Variants in RNF24 observed in about 807,000 individuals in gnomAD.
The protein encoded by RNF24 is ring finger protein 24.
A neutral mutation model predicts 20.0 loss-of-function variants in RNF24; 14 were observed. The observed-to-expected ratio is 0.70, with a 90% CI of 0.46 to 1.10. The LOEUF (loss-of-function observed/expected upper bound fraction) is 1.10, where lower values mean the gene tolerates loss of function less well. RNF24 is among the 50% of genes least tolerant of loss of function. RNF24 has a pLI of 0.00. For synonymous variants in RNF24, 45 were observed against 61.1 expected (o/e 0.74, Z 1.23); for missense variants, 124 against 177.6 (o/e 0.70, Z 1.71).
rs1301597902 is a variant in RNF24, at chr20:3,977,579, C to T, written c.-7-13555G>A. 2.0e-5 allele frequency among the ~76,000 whole-genome samples: 3 copies of T among 151,932 alleles called. No individual in the cohort carries two copies. In the South Asian group the frequency reaches 6.2e-4, roughly 32 times the overall value. ...ATGGTTTAAATCCTATTTAAAAAGG[C>T]TCTAGGCCAGGCATGGTGGCTCACG... is the stretch of plus-strand genomic sequence containing the variant. On this transcript the variant is annotated intron_variant, in intron 1 of 5. Transcript: ENST00000358395.
chr20:3,942,040 C>G (rs558932750), intron 4 of RNF24, among the ~76,000 whole-genome samples: 1 of 148,598 alleles, frequency 6.7e-6, no homozygotes, highest in Non-Finnish European at 1.5e-5. Context: ...TACCACTGCA[C>G]TCCAGCCTGG....
intron 4 of RNF24, among the ~76,000 whole-genome samples, chr20:3,938,795 C>G (rs183032708): frequency 6.6e-6 from 1 of 152,084 alleles, no homozygotes; most frequent in Non-Finnish European, 1.5e-5. Context: ...CTGGAGTGCA[C>G]TGGTGCCATC....
At chr20:3,982,870 A>G (rs1049793482) in intron 1 of RNF24, among the ~76,000 whole-genome samples, 2 of 152,128 alleles carry the variant, frequency 1.3e-5, no homozygotes, top group Non-Finnish European at 2.9e-5. Flanking sequence ...TCCACCCTAC[A>G]TGACAGAGTG....
chr20:3,979,640 A>G (rs1469526970), intron 1 of RNF24, among the ~76,000 whole-genome samples: 2 of 152,190 alleles, frequency 1.3e-5, no homozygotes, highest in Non-Finnish European at 2.9e-5. Context: ...ACGCCATTGC[A>G]CTCCAACCTA....
chr20:3,945,344 G>A, intron 3 of RNF24, 126 bp from the exon 4 acceptor site: 1 of 949,210 alleles, frequency 1.1e-6, no homozygotes, highest in South Asian at 1.9e-5. Flanking sequence ...ATATTGAAGG[G>A]AATTTCTTTT....
At chr20:3,952,503 T>C (rs2091092310) in intron 2 of RNF24, among the ~76,000 whole-genome samples, 1 of 152,032 alleles carries the variant, frequency 6.6e-6, no homozygotes, top group Non-Finnish European at 1.5e-5. Flanking sequence ...TGTCTGCATA[T>C]AATCACAATT....
chr20:3,974,693 T>TA (rs1306045712), intron 1 of RNF24, among the ~76,000 whole-genome samples: 2 of 152,146 alleles, frequency 1.3e-5, no homozygotes, highest in Non-Finnish European at 2.9e-5. Flanking sequence ...TTAAATTTAA[T>TA]AAGACATTAG....
At chr20:3,964,744 G>GT (rs1399202854) in intron 1 of RNF24, among the ~76,000 whole-genome samples, 1 of 151,972 alleles carries the variant, frequency 6.6e-6, no homozygotes, top group East Asian at 1.9e-4. Flanking sequence ...TCTTGAACTC[G>GT]TGGGCTCAAG....
At chr20:3,947,138 G>A (rs572678448) in intron 3 of RNF24, among the ~76,000 whole-genome samples, 2 of 152,290 alleles carry the variant, frequency 1.3e-5, no homozygotes, top group South Asian at 4.2e-4. Flanking sequence ...AGGTTGCATT[G>A]AGCTGAGATC....
chr20:3,947,554 G>A (rs1300011132), intron 3 of RNF24, among the ~76,000 whole-genome samples: 8 of 152,134 alleles, frequency 5.3e-5, no homozygotes, highest in Non-Finnish European at 4.4e-5. Flanking sequence ...ACAGCTGGTC[G>A]CTCACCTCCG....
chr20:4,014,291 C>T (rs1982698301), intron 1 of RNF24, among the ~76,000 whole-genome samples: 1 of 152,190 alleles, frequency 6.6e-6, no homozygotes, highest in Admixed American at 6.5e-5. Flanking sequence ...TAGAGAGAAC[C>T]TGCTGGACTA....
chr20:3,961,927 CTA>C (rs2091206406), intron 2 of RNF24, among the ~76,000 whole-genome samples: 1 of 151,962 alleles, frequency 6.6e-6, no homozygotes, highest in African/African-American at 2.4e-5. Context: ...GTTTATCAAA[CTA>C]TTATTAATTT....
intron 4 of RNF24, among the ~76,000 whole-genome samples, chr20:3,936,961 C>T (rs771058986): frequency 2.0e-4 from 31 of 152,172 alleles, no homozygotes; most frequent in East Asian, 1.9e-4. Flanking sequence ...CTCAGACTCC[C>T]GAATAGCTGG....
At chr20:3,955,117 C>A (rs903554146) in intron 2 of RNF24, among the ~76,000 whole-genome samples, 16 of 152,282 alleles carry the variant, frequency 1.1e-4, no homozygotes, top group Middle Eastern at 3.4e-3. Context: ...CCAATAATGT[C>A]AAACATCTTT....
intron 1 of RNF24, among the ~76,000 whole-genome samples, chr20:3,983,607 G>T (rs1360650234): frequency 6.6e-6 from 1 of 152,042 alleles, no homozygotes; most frequent in Non-Finnish European, 1.5e-5. Flanking sequence ...GTGACTTTCT[G>T]TGTAATCTTT....
intron 1 of RNF24, among the ~76,000 whole-genome samples, chr20:4,001,715 C>A (rs979367184): frequency 6.6e-6 from 1 of 151,964 alleles, no homozygotes; most frequent in African/African-American, 2.4e-5. Context: ...GTGGAAGGAT[C>A]GCTTGAACCT....
chr20:4,013,387 TAAA>T (rs1457529665), intron 1 of RNF24, among the ~76,000 whole-genome samples: 1 of 152,186 alleles, frequency 6.6e-6, no homozygotes, highest in Admixed American at 6.5e-5. Context: ...CAGAGAATCT[TAAA>T]GAAAACAGAA....
At chr20:3,967,681 A>G (rs1012594092) in intron 1 of RNF24, among the ~76,000 whole-genome samples, 2 of 152,258 alleles carry the variant, frequency 1.3e-5, no homozygotes, top group African/African-American at 4.8e-5. Context: ...CCAGGAGTCA[A>G]TATTCTAGTT....
chr20:3,995,810 G>C (rs1050797241), intron 1 of RNF24, among the ~76,000 whole-genome samples: 1 of 151,740 alleles, frequency 6.6e-6, no homozygotes, highest in Non-Finnish European at 1.5e-5. Context: ...ATATTTGGGG[G>C]GTGAATTTGG....
Sources: gnomAD v4.1 joint callset for allele counts (sites outside exome capture counted in the v4.1 genomes callset) on GRCh38, gnomAD v4.1.1 for gene constraint, MANE v1.5 for transcripts, NCBI Gene and HGNC (gene_info 2026-07-23, HGNC 2026-07-21) for gene names.